CADPS: variants seen among roughly 807,000 people sequenced by gnomAD.
The protein encoded by CADPS is calcium dependent secretion activator, also known as calcium-dependent secretion activator 1.
Under a neutral mutation model 167.3 loss-of-function variants are expected in CADPS, and 57 were observed. The ratio of observed to expected loss-of-function variants is 0.34; its 90% CI spans 0.28 to 0.42. The LOEUF (loss-of-function observed/expected upper bound fraction) is 0.42. Among genes scored for constraint, CADPS ranks in the 20% least tolerant of loss-of-function variants. The pLI, the probability that CADPS is intolerant of heterozygous loss-of-function variation, is 1.00. For missense variants in CADPS, 1,414 were observed against 1,738.1 expected, an observed-to-expected ratio of 0.81 and a Z score of 3.32; for synonymous variants, 676 against 635.3, an observed-to-expected ratio of 1.06 and a Z score of -0.96.
intron 7 of CADPS, among the ~76,000 whole-genome samples, chr3:62,589,177 TCTG>T (rs1416181453): frequency 7.9e-5 from 12 of 152,052 alleles, no homozygotes; most frequent in Admixed American, 7.2e-4. Context: ...TAAACACAGG[TCTG>T]CTAAGTGTGG....
chr3:62,522,082 C>T (rs1017326640), intron 13 of CADPS, among the ~76,000 whole-genome samples: 9 of 151,356 alleles, frequency 5.9e-5, no homozygotes, highest in Admixed American at 6.6e-5. Flanking sequence ...TGTGAAAGGT[C>T]GCATCCTCAA....
chr3:62,640,598 A>T (rs9825447), intron 6 of CADPS, among the ~76,000 whole-genome samples: 2 of 152,074 alleles, frequency 1.3e-5, no homozygotes, highest in Non-Finnish European at 2.9e-5. Context: ...GAAAATACCA[A>T]TTTTCCAAGT....
At chr3:62,647,936 A>G (rs550430322) in intron 5 of CADPS, among the ~76,000 whole-genome samples, 2 of 152,210 alleles carry the variant, frequency 1.3e-5, no homozygotes, top group Non-Finnish European at 2.9e-5. Context: ...CTGTTAGCAC[A>G]TGCCCTTTGC....
At chr3:62,479,202 T>C (rs9830099) in intron 22 of CADPS, among the ~76,000 whole-genome samples, 16,979 of 152,224 alleles carry the variant, frequency 0.11, 2,405 homozygotes, top group African/African-American at 0.33. Context: ...GGAAATTGGT[T>C]TTGATGCCTT....
chr3:62,826,941 C>T (rs2152965705), intron 1 of CADPS, among the ~76,000 whole-genome samples: 1 of 152,122 alleles, frequency 6.6e-6, no homozygotes, highest in African/African-American at 2.4e-5. Flanking sequence ...AGCTTTTTTT[C>T]CCCTTCTGAG....
chr3:62,511,440 T>C (rs1300565293), intron 17 of CADPS, among the ~76,000 whole-genome samples: 1 of 152,172 alleles, frequency 6.6e-6, no homozygotes, highest in African/African-American at 2.4e-5. Flanking sequence ...ATCTCTACTA[T>C]GGGAATAATA....
At chr3:62,476,993 G>A (rs2061407099) in intron 23 of CADPS, among the ~76,000 whole-genome samples, 1 of 152,114 alleles carries the variant, frequency 6.6e-6, no homozygotes, top group Admixed American at 6.5e-5. Flanking sequence ...GAGAATAAAA[G>A]AGCAATACTA....
At chr3:62,604,422 G>C (rs1023837918) in intron 6 of CADPS, among the ~76,000 whole-genome samples, 2 of 152,214 alleles carry the variant, frequency 1.3e-5, no homozygotes, top group African/African-American at 2.4e-5. Context: ...CTCTTCACAT[G>C]CAGGACTGGG....
At chr3:62,577,446 T>C (rs2082507528) in intron 8 of CADPS, among the ~76,000 whole-genome samples, 1 of 152,164 alleles carries the variant, frequency 6.6e-6, no homozygotes, top group Non-Finnish European at 1.5e-5. Context: ...CCATGATTCC[T>C]ACAGGGATGC....
At chr3:62,623,781 C>A (rs570839061) in intron 6 of CADPS, among the ~76,000 whole-genome samples, 1 of 152,220 alleles carries the variant, frequency 6.6e-6, no homozygotes, top group East Asian at 1.9e-4. Context: ...CACGGCTGAA[C>A]AATCATTCTC....
In CADPS at chr3:62,478,216, A is replaced by G. The variant is rs1023989385; in HGVS notation, c.3329+45T>C. On this transcript the variant is annotated intron_variant, in intron 23 of 29. Coordinates refer to ENST00000383710, the MANE Select transcript of CADPS (RefSeq NM_003716.4). This position sits in a 1 kb window ranked among gnomAD's most constrained non-coding sequence, Gnocchi z 5.7. ...CATCTACCCTTCCCTGAGTCTGTGTATGGTGGGGAGGGTGTGCAGAACCTG... is the reference window on the plus strand; with the variant it reads ...CATCTACCCTTCCCTGAGTCTGTGTGTGGTGGGGAGGGTGTGCAGAACCTG... 1.9e-6 allele frequency: 3 copies of G among 1,604,730 alleles called. No individual in the cohort carries two copies. The highest frequency in any genetic ancestry group is 1.3e-5 in the African/African-American group (1 of 74,728).
chr3:62,839,924 A>G (rs896437043), intron 1 of CADPS, among the ~76,000 whole-genome samples: 1 of 152,192 alleles, frequency 6.6e-6, no homozygotes, highest in Non-Finnish European at 1.5e-5. Context: ...GACCAGATGC[A>G]TGGTGATTTC....
intron 7 of CADPS, among the ~76,000 whole-genome samples, chr3:62,590,245 T>C (rs1301746318): frequency 1.3e-5 from 2 of 152,020 alleles, no homozygotes; most frequent in Admixed American, 6.5e-5. Flanking sequence ...CGGAGGCTCA[T>C]TGTGGACCCA....
At chr3:62,850,699 T>G (rs2153098445) in intron 1 of CADPS, among the ~76,000 whole-genome samples, 1 of 152,050 alleles carries the variant, frequency 6.6e-6, no homozygotes, top group South Asian at 2.1e-4. Context: ...TCCAACTATG[T>G]GGTCAATTTT....
At chr3:62,646,526 C>G (rs2068629901) in intron 5 of CADPS, among the ~76,000 whole-genome samples, 1 of 152,108 alleles carries the variant, frequency 6.6e-6, no homozygotes, top group Admixed American at 6.6e-5. Flanking sequence ...CTTTAAAGAG[C>G]CACAGGCTCA....
intron 10 of CADPS, among the ~76,000 whole-genome samples, chr3:62,554,424 A>G (rs775743743): frequency 2.6e-5 from 4 of 152,194 alleles, no homozygotes; most frequent in Non-Finnish European, 5.9e-5. Context: ...TCTATGGCAG[A>G]GAGCAACAGG....
At chr3:62,805,146 C>A (rs2094011664) in intron 1 of CADPS, among the ~76,000 whole-genome samples, 1 of 152,112 alleles carries the variant, frequency 6.6e-6, no homozygotes, top group Non-Finnish European at 1.5e-5. Flanking sequence ...CCAGTTGTTA[C>A]AACCAAAAAT....
intron 6 of CADPS, among the ~76,000 whole-genome samples, chr3:62,596,806 T>A (rs928548497): frequency 2.0e-5 from 3 of 152,172 alleles, no homozygotes; most frequent in Non-Finnish European, 4.4e-5. Flanking sequence ...GACACTGCCC[T>A]TTCTACTACA....
At position 62,535,170 on chromosome 3, in the gene CADPS, T is replaced by C. The variant is rs948181496; in HGVS notation, c.2103+1275A>G. 9.9e-5 allele frequency among the ~76,000 whole-genome samples: 15 copies of C among 151,824 alleles called. 1 individual carries two copies. The highest frequency in any genetic ancestry group is 9.8e-4 in the Admixed American group (15 of 15,234). On this transcript the variant is annotated intron_variant, in intron 12 of 29. Coordinates refer to ENST00000383710, the MANE Select transcript of CADPS (RefSeq NM_003716.4). ...TATAATTATGTGAACAATCACATAATTGTACAAAACACATTTGAGAAAAAT... is the reference window on the plus strand; with the variant it reads ...TATAATTATGTGAACAATCACATAACTGTACAAAACACATTTGAGAAAAAT...
Sources: gnomAD v4.1 joint callset for allele counts (sites outside exome capture counted in the v4.1 genomes callset) on GRCh38, gnomAD v4.1.1 for gene constraint, Gnocchi (gnomAD v3.1) non-coding constraint, MANE v1.5 for transcripts, NCBI Gene and HGNC (gene_info 2026-07-23, HGNC 2026-07-21) for gene names.